CARMIL2: variants seen among roughly 807,000 people sequenced by gnomAD.
The protein encoded by CARMIL2 is capping protein regulator and myosin 1 linker 2.
CARMIL2 carries 96 observed loss-of-function variants against 173.3 expected under a neutral mutation model. The observed-to-expected ratio is 0.55, with a 90% confidence interval of 0.47 to 0.66. CARMIL2 has a LOEUF of 0.66. CARMIL2 is among the 30% of genes least tolerant of loss of function. The probability of loss-of-function intolerance (pLI) is 0.00; values close to 1 mark genes in which losing one functional copy is unlikely to be tolerated. For synonymous variants in CARMIL2, 830 were observed against 817.1 expected (o/e 1.02, Z -0.27); for missense variants, 1,771 against 1,906.7 (o/e 0.93, Z 1.33).
intron 36 of CARMIL2, 76 bp downstream of exon 36, chr16:67,656,957 C>T (rs2052874355): frequency 8.1e-7 from 1 of 1,235,582 alleles, no homozygotes; most frequent in South Asian, 1.4e-5. Flanking sequence ...CCCTTCATAG[C>T]TTTGGTCCTT....
chr16:67,648,643 CCT>C lies in CARMIL2; in HGVS notation c.1440-41_1440-40del, dbSNP rs2142921101. The C allele has an allele frequency of 6.4e-7, 1 of 1,570,990 alleles. No individual in the cohort carries two copies. The highest frequency in any genetic ancestry group is 2.3e-5 in the East Asian group (1 of 42,736). On this transcript the variant is annotated intron_variant, in intron 15 of 37. Transcript: ENST00000334583. The surrounding 1 kb of genome is among the most constrained non-coding windows in gnomAD (Gnocchi z 6.1). Reference sequence around the variant, plus strand: ...CTCCTTCGTTCGCACCCTGGAGCCCCCTGTCCCAGCTCCCGCCACCCCGTGTA... The same window carrying C: ...CTCCTTCGTTCGCACCCTGGAGCCCCGTCCCAGCTCCCGCCACCCCGTGTA...
chr16:67,656,098 T>C (rs1302057450), intron 33 of CARMIL2, 31 bp downstream of exon 33: 1 of 1,609,628 alleles, frequency 6.2e-7, no homozygotes, highest in South Asian at 1.1e-5. Flanking sequence ...TGGCAGTACA[T>C]TTGCCAGGAG....
intron 2 of CARMIL2, 40 bp downstream of exon 2, chr16:67,645,671 C>G: frequency 6.2e-7 from 1 of 1,612,940 alleles, no homozygotes; most frequent in South Asian, 1.1e-5. Flanking sequence ...CGGCTGTGGC[C>G]CCACAGAAAG....
chr16:67,653,301 G>A lies in CARMIL2; in HGVS notation c.3120+47G>A. ...CGGAGCGCGTGGAATTGGGGATCAC[G>A]GGTGGCCCGGCCGCTCCTCATGGGT... On this transcript the variant is annotated intron_variant, in intron 29 of 37. Coordinates refer to ENST00000334583, the MANE Select transcript of CARMIL2 (RefSeq NM_001013838.3). The surrounding 1 kb of genome is among the most constrained non-coding windows in gnomAD (Gnocchi z 7.4). 2 of 964,696 alleles carry A rather than the reference G, an allele frequency of 2.1e-6. No homozygotes were observed. The highest frequency in any genetic ancestry group is 4.9e-5 in the South Asian group (1 of 20,302). The allele number at this position is 964,696 out of a possible 1,614,324, so 59.8% of individuals were successfully genotyped here.
intron 36 of CARMIL2, 111 bp downstream of exon 36, chr16:67,656,992 T>G: frequency 1.1e-6 from 1 of 910,140 alleles, no homozygotes; most frequent in Non-Finnish European, 1.6e-6. Flanking sequence ...GTGTGTGAGG[T>G]CTCAAGAAAT....
At chr16:67,650,380 TAGAG>T in intron 22 of CARMIL2, 2 of 571,182 alleles carry the variant, frequency 3.5e-6, no homozygotes, top group South Asian at 2.2e-5. Context: ...GCTGTCCTGT[TAGAG>T]AGGAATTTTT....
intron 1 of CARMIL2, 28 bp downstream of exon 1, chr16:67,645,314 G>A (rs779014664): frequency 2.5e-6 from 4 of 1,592,046 alleles, no homozygotes; most frequent in Non-Finnish European, 2.6e-6. Context: ...CTGCCTTCTT[G>A]GCCGGGAGGA....
chr16:67,647,618 G>T lies in CARMIL2; in HGVS notation c.871+16G>T. 2.5e-6 allele frequency: 4 copies of T among 1,605,480 alleles called. No homozygotes were observed. The highest frequency in any genetic ancestry group is 3.4e-6 in the Non-Finnish European group (4 of 1,176,514). ...GATGACCGAGGTATGACTGAGCCTG[G>T]GGACCGCAGGGGTGGGCAGCAGGAG... On this transcript the variant is annotated intron_variant, in intron 11 of 37. Transcript: ENST00000334583.
rs2142960351 is a variant in CARMIL2, at chr16:67,656,875, C to T, written c.4111C>T (p.Pro1371Ser). 1.9e-6 allele frequency: 3 copies of T among 1,546,520 alleles called. No homozygotes were observed. Among genetic ancestry groups the T allele is most frequent in the East Asian group, 4.9e-5 (2 of 40,784 alleles). ...TGTGCATGAGGACCAGCTCCAGGCC[C>T]CTGCTGGTGAGGGGAGACACCTCCA... is the stretch of plus-strand genomic sequence containing the variant. ...VSVHEDQLQA[P>S]AERPLRLQRS... Residue 1371 changes from proline to serine, a missense_variant, in exon 36 of 38, where the codon CCT becomes TCT. Physicochemically the swap from Pro to Ser is moderately conservative, Grantham distance 74 (BLOSUM62 -1). Transcript: ENST00000334583.
chr16:67,653,665 A>G lies in CARMIL2; in HGVS notation c.3120+411A>G, dbSNP rs1421057311. ...GTGGGGAGATGCGTGTGTGGGCTGCAAGCCCGCGGGGGCAGCGGGCACTGG... is the reference window on the plus strand; with the variant it reads ...GTGGGGAGATGCGTGTGTGGGCTGCGAGCCCGCGGGGGCAGCGGGCACTGG... On this transcript the variant is annotated intron_variant, in intron 29 of 37. Coordinates refer to ENST00000334583, the MANE Select transcript of CARMIL2 (RefSeq NM_001013838.3). This position sits in a 1 kb window ranked among gnomAD's most constrained non-coding sequence, Gnocchi z 7.4. Among the ~76,000 whole-genome samples, 1 of 152,104 alleles carries G rather than the reference A, an allele frequency of 6.6e-6. No individual in the cohort carries two copies. Among genetic ancestry groups the G allele is most frequent in the East Asian group, 1.9e-4 (1 of 5,158 alleles).
rs756368198 is a variant in CARMIL2 at position 67,646,756 on chromosome 16, G to C, written c.509G>C (p.Gly170Ala). The change falls in exon 7 of 38, where the codon GGC becomes GCC. Residue 170 changes from glycine to alanine, a missense_variant. Gly to Ala is a moderately conservative substitution (Grantham distance 60). Transcript: ENST00000334583. This position sits in a 1 kb window ranked among gnomAD's most constrained non-coding sequence, Gnocchi z 4.6. ...TACGAGGCTCTGTGTGACTACAATGGCTTCCCTTTCCGAGAGGAGATTCAG... is the reference window on the plus strand; with the variant it reads ...TACGAGGCTCTGTGTGACTACAATGCCTTCCCTTTCCGAGAGGAGATTCAG... ...ETYEALCDYN[G>A]FPFREEIQWD... 1.9e-6 allele frequency: 3 copies of C among 1,613,986 alleles called. No homozygotes were observed. Among genetic ancestry groups the C allele is most frequent in the Non-Finnish European group, 2.5e-6 (3 of 1,179,882 alleles).
In CARMIL2 at chr16:67,646,497, C is replaced by G. The variant is rs568682548; in HGVS notation, c.446C>G (p.Thr149Ser). The G allele has an allele frequency of 8.7e-5, 140 of 1,613,356 alleles. No homozygotes were observed. The East Asian group carries it at 2.5e-3, about 28-fold the overall frequency. The change falls in exon 6 of 38, where the codon ACT (threonine) becomes AGT (serine). Residue 149 changes from threonine to serine, a missense_variant. Coordinates refer to ENST00000334583, the MANE Select transcript of CARMIL2 (RefSeq NM_001013838.3). This position sits in a 1 kb window ranked among gnomAD's most constrained non-coding sequence, Gnocchi z 4.6. ...RLERSSPSES[T>S]DPCSPCGGFL... ...GAGAGAAGCAGCCCCTCGGAGTCCA[C>G]TGACCCCTGCAGCCCCTGTGGTAAG...
intron 10 of CARMIL2, 42 bp from the exon 11 acceptor site, chr16:67,647,466 C>A (rs1302832641): frequency 6.4e-7 from 1 of 1,565,528 alleles, no homozygotes; most frequent in Admixed American, 1.9e-5. Context: ...GAGGGGTTGG[C>A]AAACCAGGGG....
chr16:67,651,473 C>G lies in CARMIL2; in HGVS notation c.2386C>G (p.Leu796Val), dbSNP rs1201218716. 3 of 1,599,396 alleles carry G rather than the reference C, an allele frequency of 1.9e-6. No individual in the cohort carries two copies. The highest frequency in any genetic ancestry group is 1.7e-6 in the Non-Finnish European group (2 of 1,171,846). Residue 796 changes from leucine (L) to valine (V), a missense_variant, in exon 24 of 38, where the codon CTT becomes GTT. Around this residue, in one of 3 missense-constraint regions of CARMIL2, gnomAD observed 817 missense variants for 903.5 expected, o/e 0.90. Coordinates refer to ENST00000334583, the MANE Select transcript of CARMIL2 (RefSeq NM_001013838.3). The surrounding 1 kb of genome is among the most constrained non-coding windows in gnomAD (Gnocchi z 4.2). The part of the protein sequence containing the change: ...HWQLGQKLEG[L>V]LRQVGEVCRQ... ...GCAGCTTGGGCAGAAGCTGGAGGGC[C>G]TTCTGAGACAGGTGGGCGAGGTCTG...
chr16:67,657,416 T>C lies in CARMIL2; in HGVS notation c.4206T>C (p.Leu1402=), dbSNP rs1323941060. 1.9e-6 allele frequency: 3 copies of C among 1,605,562 alleles called. No homozygotes were observed. Among genetic ancestry groups the C allele is most frequent in the Non-Finnish European group, 2.5e-6 (3 of 1,176,526 alleles). The stretch of plus-strand genomic sequence containing the variant: ...TCCCTCCCCTCACAGGATCTGGCCT[T>C]GGAACCGAGCCTCTGCCCCCACAGC... The part of the protein sequence containing the change: ...APPSPSLGSG[L]GTEPLPPQPT... Residue 1402 remains leucine, a synonymous_variant, in exon 38 of 38, where the codon CTT becomes CTC. Coordinates refer to ENST00000334583, the MANE Select transcript of CARMIL2 (RefSeq NM_001013838.3). This position sits in a 1 kb window ranked among gnomAD's most constrained non-coding sequence, Gnocchi z 4.5.
chr16:67,650,509 T>A (rs1054518688), intron 22 of CARMIL2: 17 of 334,110 alleles, frequency 5.1e-5, no homozygotes, highest in Non-Finnish European at 6.7e-5. Context: ...ACTGTCTTCA[T>A]CTCCCTCCAC....
Position 67,649,820 on chromosome 16 carries a change from A to C in CARMIL2, c.1934A>C (p.Asp645Ala). 1 of 1,612,062 alleles carries C rather than the reference A, an allele frequency of 6.2e-7. No individual in the cohort carries two copies. The highest frequency in any genetic ancestry group is 8.5e-7 in the Non-Finnish European group (1 of 1,179,362). The change falls in exon 21 of 38, where the codon GAC (aspartate) becomes GCC (alanine). Residue 645 changes from aspartate to alanine, a missense_variant. Coordinates refer to ENST00000334583, the MANE Select transcript of CARMIL2 (RefSeq NM_001013838.3). This position sits in a 1 kb window ranked among gnomAD's most constrained non-coding sequence, Gnocchi z 6.7. Reference protein sequence around the residue: ...VNSRLRSVVWDRNHTSALGLL... With the variant: ...VNSRLRSVVWARNHTSALGLL... ...GCCCGGCCCAGGTCTGTGGTCTGGG[A>C]CCGGAACCACACATCTGCTTTGGGT...
rs199695377 is a variant in CARMIL2, at chr16:67,656,792, C to G, written c.4037-9C>G. On this transcript the variant is annotated splice_polypyrimidine_tract_variant and intron_variant, in intron 35 of 37. Transcript: ENST00000334583. ...GTTGGAATACCCCTGATTCCCTGGC[C>G]TCCCTCAGATGGCCAGCTGAGGCCG... 5.5e-5 allele frequency: 85 copies of G among 1,551,780 alleles called. No homozygotes were observed. In the African/African-American group the frequency reaches 1.0e-3, roughly 18 times the overall value.
chr16:67,657,322 A>C lies in CARMIL2; in HGVS notation c.4195+6A>C. ...ACCTCCATCCCCAAGCCTAGGTAAGAGGGGGTCCAGGCCAGCTGGGAGGGT... is the reference window on the plus strand; with the variant it reads ...ACCTCCATCCCCAAGCCTAGGTAAGCGGGGGTCCAGGCCAGCTGGGAGGGT... On this transcript the variant is annotated splice_donor_region_variant and intron_variant, in intron 37 of 37. Coordinates refer to ENST00000334583, the MANE Select transcript of CARMIL2 (RefSeq NM_001013838.3). The surrounding 1 kb of genome is among the most constrained non-coding windows in gnomAD (Gnocchi z 4.5). The C allele has an allele frequency of 6.2e-7, 1 of 1,613,286 alleles. No homozygotes were observed. Among genetic ancestry groups the C allele is most frequent in the South Asian group, 1.1e-5 (1 of 90,984 alleles).
Sources: allele counts gnomAD v4.1 joint callset (sites outside exome capture counted in the v4.1 genomes callset), GRCh38; gene constraint gnomAD v4.1.1; regional missense constraint gnomAD v4.1.1; non-coding constraint Gnocchi (gnomAD v3.1); transcripts MANE v1.5; gene names NCBI Gene and HGNC (gene_info 2026-07-23, HGNC 2026-07-21).